Variants in NLGN1 observed in about 807,000 individuals in gnomAD.
The protein encoded by NLGN1 is neuroligin 1, also known as neuroligin-1.
NLGN1 carries 12 observed loss-of-function variants against 65.5 expected under a neutral mutation model. The ratio of observed to expected loss-of-function variants is 0.18; its 90% confidence interval spans 0.12 to 0.30. The LOEUF (loss-of-function observed/expected upper bound fraction) is 0.30, where lower values mean the gene tolerates loss of function less well. Among genes scored for constraint, NLGN1 ranks in the 10% least tolerant of loss-of-function variants. The pLI, the probability that NLGN1 is intolerant of heterozygous loss-of-function variation, is 1.00. For synonymous variants in NLGN1, 350 were observed against 359.5 expected (o/e 0.97, Z 0.30); for missense variants, 750 against 1,007.1 (o/e 0.74, Z 3.46).
chr3:173,994,964 A>T (rs1262269063), intron 4 of NLGN1, among the ~76,000 whole-genome samples: 1 of 152,202 alleles, frequency 6.6e-6, no homozygotes, highest in Non-Finnish European at 1.5e-5. Context: ...TAGTAGATAT[A>T]TAAAAAAAAT....
At chr3:173,504,730 A>G (rs1455000002) in intron 2 of NLGN1, among the ~76,000 whole-genome samples, 1 of 151,968 alleles carries the variant, frequency 6.6e-6, no homozygotes, top group Middle Eastern at 3.2e-3. Context: ...GTCACCATTC[A>G]TCATCTTTCA....
At chr3:174,172,793 T>A (rs1199367462) in intron 4 of NLGN1, among the ~76,000 whole-genome samples, 2 of 152,138 alleles carry the variant, frequency 1.3e-5, no homozygotes, top group Admixed American at 1.3e-4. Flanking sequence ...TAGCTTTGAC[T>A]ATTCTGGGTC....
intron 4 of NLGN1, among the ~76,000 whole-genome samples, chr3:174,116,895 T>C (rs186984950): frequency 4.6e-5 from 7 of 152,270 alleles, no homozygotes; most frequent in Non-Finnish European, 7.4e-5. Context: ...AAATGATATA[T>C]GAAAAAAGAT....
intron 4 of NLGN1, among the ~76,000 whole-genome samples, chr3:173,883,818 T>C (rs868678760): frequency 2.7e-5 from 4 of 149,736 alleles, no homozygotes; most frequent in East Asian, 3.9e-4. Context: ...AACTTTCTTT[T>C]TTTTTTTTTT....
chr3:173,742,931 T>G (rs931291296), intron 3 of NLGN1, among the ~76,000 whole-genome samples: 10 of 152,190 alleles, frequency 6.6e-5, no homozygotes, highest in African/African-American at 2.4e-4. Context: ...ATTATGTCTA[T>G]AAAATTATTT....
chr3:173,796,590 C>T (rs1714125928), intron 3 of NLGN1, among the ~76,000 whole-genome samples: 2 of 152,054 alleles, frequency 1.3e-5, no homozygotes, highest in South Asian at 4.1e-4. Context: ...GTCTACTCTC[C>T]TATTAACTCT....
At chr3:173,603,032 C>A (rs1750795847) in intron 2 of NLGN1, among the ~76,000 whole-genome samples, 1 of 152,106 alleles carries the variant, frequency 6.6e-6, no homozygotes, top group African/African-American at 2.4e-5. Context: ...GCTAAAGACA[C>A]ACTAGGCCAG....
At chr3:173,668,378 TA>T in intron 3 of NLGN1, among the ~76,000 whole-genome samples, 1 of 152,104 alleles carries the variant, frequency 6.6e-6, no homozygotes, top group South Asian at 2.1e-4. Flanking sequence ...GCGTGCATTT[TA>T]GGGTAATATA....
chr3:173,398,256 C>G (rs1716989123), upstream of NLGN1, among the ~76,000 whole-genome samples: 1 of 152,114 alleles, frequency 6.6e-6, no homozygotes, highest in Non-Finnish European at 1.5e-5. Flanking sequence ...GGGTTGGTTC[C>G]GCCGGTTAGT....
intron 3 of NLGN1, among the ~76,000 whole-genome samples, chr3:173,700,147 C>T (rs928552843): frequency 1.3e-5 from 2 of 152,128 alleles, no homozygotes; most frequent in Admixed American, 6.5e-5. Flanking sequence ...ACCACAGGCT[C>T]CTGGGAAATA....
intron 4 of NLGN1, among the ~76,000 whole-genome samples, chr3:173,918,192 T>C (rs1418227286): frequency 6.6e-6 from 1 of 152,198 alleles, no homozygotes; most frequent in Non-Finnish European, 1.5e-5. Flanking sequence ...TTGTAGTTCT[T>C]TAAACGTATT....
At chr3:173,833,442 A>G (rs1021383693) in intron 4 of NLGN1, among the ~76,000 whole-genome samples, 1 of 152,062 alleles carries the variant, frequency 6.6e-6, no homozygotes, top group Non-Finnish European at 1.5e-5. Context: ...TTAAATCTGT[A>G]CTAAAAAAAA....
chr3:173,681,794 T>C (rs1014394232), intron 3 of NLGN1, among the ~76,000 whole-genome samples: 3 of 152,200 alleles, frequency 2.0e-5, no homozygotes, highest in Admixed American at 6.5e-5. Flanking sequence ...TATTATCAAA[T>C]TGAATGTGTA....
At chr3:173,649,952 C>T (rs7611891) in intron 3 of NLGN1, among the ~76,000 whole-genome samples, 7,205 of 151,954 alleles carry the variant, frequency 0.047, 409 homozygotes, top group African/African-American at 0.12. Context: ...TTTCACTTAC[C>T]ATTTCCATTT....
At chr3:173,624,156 T>C (rs1307072739) in intron 3 of NLGN1, among the ~76,000 whole-genome samples, 1 of 152,142 alleles carries the variant, frequency 6.6e-6, no homozygotes, top group Non-Finnish European at 1.5e-5. Context: ...GTCATTTTTA[T>C]CGCTTTGGGC....
At chr3:174,217,262 A>G (rs1410294375) in intron 4 of NLGN1, among the ~76,000 whole-genome samples, 1 of 152,058 alleles carries the variant, frequency 6.6e-6, no homozygotes, top group East Asian at 1.9e-4. Flanking sequence ...GTCATGCTAC[A>G]TTTATTGCCC....
chr3:173,672,603 GGA>G (rs1560142422), intron 3 of NLGN1, among the ~76,000 whole-genome samples: 1 of 152,182 alleles, frequency 6.6e-6, no homozygotes, highest in Non-Finnish European at 1.5e-5. Context: ...AACTTGAATG[GGA>G]GAGCCATGTA....
At chr3:174,159,499 G>A (rs1362804761) in intron 4 of NLGN1, among the ~76,000 whole-genome samples, 1 of 151,466 alleles carries the variant, frequency 6.6e-6, no homozygotes, top group Non-Finnish European at 1.5e-5. Context: ...AGTCAGTAAT[G>A]GATGAAAAAG....
intron 2 of NLGN1, among the ~76,000 whole-genome samples, chr3:173,477,191 T>C (rs931025504): frequency 6.6e-6 from 1 of 152,062 alleles, no homozygotes; most frequent in African/African-American, 2.4e-5. Flanking sequence ...GTAATGTAAA[T>C]GGTGTCATTT....
Sources: gnomAD v4.1 joint callset for allele counts (sites outside exome capture counted in the v4.1 genomes callset) on GRCh38, gnomAD v4.1.1 for gene constraint, MANE v1.5 for transcripts, NCBI Gene and HGNC (gene_info 2026-07-23, HGNC 2026-07-21) for gene names.